Variants in GGT1 observed in about 807,000 individuals in gnomAD.
GGT1 encodes gamma-glutamyltransferase 1, also known as glutathione hydrolase 1 proenzyme.
Under a neutral mutation model 56.0 loss-of-function variants are expected in GGT1, and 21 were observed. The ratio of observed to expected loss-of-function variants is 0.38; its 90% CI spans 0.27 to 0.54. GGT1 has a LOEUF of 0.54. GGT1 is among the 20% of genes least tolerant of loss of function. GGT1 has a pLI of 0.82. For synonymous variants in GGT1, 238 were observed against 342.6 expected (o/e 0.69, Z 3.37); for missense variants, 466 against 787.0 (o/e 0.59, Z 4.88).
the GGT1 span, chr22:24,585,835 T>C: frequency 6.8e-7 from 1 of 1,477,282 alleles, no homozygotes; most frequent in Non-Finnish European, 9.0e-7. Flanking sequence ...CCCACTATCA[T>C]GTGCTTGAGA....
chr22:24,628,737 C>T lies in GGT1; in HGVS notation c.1608C>T (p.Ile536=), dbSNP rs201506529. 26 of 1,608,998 alleles carry T rather than the reference C, an allele frequency of 1.6e-5. No individual in the cohort carries two copies. The highest frequency in any genetic ancestry group is 4.0e-5 in the African/African-American group (3 of 74,778). Residue 536 remains isoleucine, a synonymous_variant, in exon 16 of 16, where the codon ATC becomes ATT. Transcript: ENST00000400382. The surrounding 1 kb of genome is among the most constrained non-coding windows in gnomAD (Gnocchi z 5.7). ...ALETRHHHTQ[I]ASTFIAVVQA... ...AGACCCGGCACCATCACACCCAGAT[C>T]GCGTCCACCTTCATCGCTGTGGTGC...
chr22:24,613,717 T>C (rs1306351604), intron 5 of GGT1, among the ~76,000 whole-genome samples: 2 of 145,036 alleles, frequency 1.4e-5, no homozygotes, highest in Admixed American at 1.4e-4. Context: ...GCCACTGCAC[T>C]CCAGCCTGGG....
intron 1 of GGT1, among the ~76,000 whole-genome samples, chr22:24,604,769 A>G (rs2045927216): frequency 6.6e-6 from 1 of 151,346 alleles, no homozygotes; most frequent in African/African-American, 2.4e-5. Flanking sequence ...TCAGCATGTG[A>G]GGAAAAGCCT....
At chr22:24,585,929 G>A in the GGT1 span, 3 of 1,607,360 alleles carry the variant, frequency 1.9e-6, no homozygotes, top group Non-Finnish European at 2.5e-6. Context: ...CAGCCCAGCA[G>A]CTGTGGAGTC....
chr22:24,615,564 C>T (rs537455339), intron 7 of GGT1, among the ~76,000 whole-genome samples: 2 of 152,296 alleles, frequency 1.3e-5, no homozygotes, highest in Non-Finnish European at 2.9e-5. Flanking sequence ...TGAGGTCACA[C>T]AGCTGGGAGG....
chr22:24,586,539 C>T, the GGT1 span: 49 of 1,066,440 alleles, frequency 4.6e-5, no homozygotes, highest in Admixed American at 7.1e-5. Context: ...CTGTGTCTTT[C>T]GTATTTTTTG....
intron 7 of GGT1, among the ~76,000 whole-genome samples, chr22:24,615,509 TA>T (rs2047003667): frequency 6.6e-6 from 1 of 152,188 alleles, no homozygotes; most frequent in Non-Finnish European, 1.5e-5. Flanking sequence ...ATTCCCATTT[TA>T]CAGGGTGGGG....
upstream of GGT1, among the ~76,000 whole-genome samples, chr22:24,601,458 G>T (rs1321056534): frequency 1.3e-5 from 2 of 152,206 alleles, 1 homozygote; most frequent in South Asian, 4.1e-4. Flanking sequence ...TCACTCTCTT[G>T]CCGAGTGGCT....
chr22:24,592,143 A>G (rs759204206), upstream of GGT1: 97 of 381,646 alleles, frequency 2.5e-4, no homozygotes, highest in Non-Finnish European at 4.7e-4. Context: ...TGGTGAGGGA[A>G]GTGGCATGCC....
rs1438544033 is a variant in GGT1, at chr22:24,627,551, C to G, written c.1140C>G (p.Gly380=). The part of the protein sequence containing the change: ...KPEFYTPDDG[G]TAHLSVVAED... ...AGTTCTACACGCCGGATGACGGGGG[C>G]ACTGCTCACCTGTCTGTCGTCGCAG... is the stretch of plus-strand genomic sequence containing the variant. Residue 380 remains glycine (G), a synonymous_variant, in exon 12 of 16, where the codon GGC becomes GGG. Coordinates refer to ENST00000400382, the MANE Select transcript of GGT1 (RefSeq NM_001288833.2). The G allele has an allele frequency of 1.2e-6, 2 of 1,611,724 alleles. No individual in the cohort carries two copies. Among genetic ancestry groups the G allele is most frequent in the Admixed American group, 3.3e-5 (2 of 59,966 alleles).
Position 24,624,401 on chromosome 22 carries a change from C to T in GGT1, c.1020+485C>T, listed in dbSNP as rs967133636. The T allele has an allele frequency of 3.0e-6, 3 of 985,108 alleles. No homozygotes were observed. In the South Asian group the frequency reaches 1.4e-4, roughly 46 times the overall value. 61.0% of individuals were successfully genotyped at this position (985,108 alleles called of 1,614,324 possible). A position where few individuals can be genotyped will look rare whatever the true frequency, so the allele number is the denominator to read the frequency against. Reference sequence around the variant, plus strand: ...GGGTCCCTATAAGACCCTGTCATATCCCTTCCCGCTGAGGATCCTCACATC... The same window carrying T: ...GGGTCCCTATAAGACCCTGTCATATTCCTTCCCGCTGAGGATCCTCACATC... On this transcript the variant is annotated intron_variant, in intron 11 of 15. Transcript: ENST00000400382.
At chr22:24,584,273 G>A in the GGT1 span, among the ~76,000 whole-genome samples, 8 of 152,178 alleles carry the variant, frequency 5.3e-5, no homozygotes, top group Non-Finnish European at 1.2e-4. Flanking sequence ...TAACAGAGGG[G>A]AGGGAGCAGA....
upstream of GGT1, among the ~76,000 whole-genome samples, chr22:24,602,206 G>A (rs1464615399): frequency 1.3e-5 from 2 of 152,140 alleles, no homozygotes; most frequent in Non-Finnish European, 2.9e-5. Context: ...GGCTCAGGTG[G>A]TTCCTTCCGC....
At chr22:24,592,722 G>T (rs1479361107), upstream of GGT1, 2 of 1,292,110 alleles carry the variant, frequency 1.5e-6, no homozygotes, top group African/African-American at 3.1e-5. Context: ...CTCGGAACCC[G>T]CCTGCGCGCG....
chr22:24,613,642 C>G (rs1228775966), intron 5 of GGT1, among the ~76,000 whole-genome samples: 1 of 151,602 alleles, frequency 6.6e-6, no homozygotes, highest in African/African-American at 2.4e-5. Context: ...CCCAGCTACT[C>G]AGGAGGCTGA....
At chr22:24,599,565 A>G (rs2045749523), upstream of GGT1, among the ~76,000 whole-genome samples, 1 of 151,670 alleles carries the variant, frequency 6.6e-6, no homozygotes, top group African/African-American at 2.4e-5. Context: ...TGGGGACTGG[A>G]GGTCAGGTGA....
upstream of GGT1, chr22:24,593,224 C>G: frequency 4.0e-6 from 2 of 500,760 alleles, no homozygotes; most frequent in Non-Finnish European, 5.2e-6. Context: ...GGCCTGATCA[C>G]ACTGGAGGAG....
intron 5 of GGT1, among the ~76,000 whole-genome samples, chr22:24,612,837 T>A (rs1192071821): frequency 6.6e-6 from 1 of 151,884 alleles, no homozygotes; most frequent in Non-Finnish European, 1.5e-5. Flanking sequence ...GGGCTTATTC[T>A]TTTTTTAAGG....
upstream of GGT1, chr22:24,592,211 G>A: frequency 2.3e-6 from 1 of 441,766 alleles, no homozygotes; most frequent in East Asian, 7.1e-5. Context: ...TCTGGGTTTA[G>A]TGTACCTGGT....
Sources: gnomAD v4.1 joint callset for allele counts (sites outside exome capture counted in the v4.1 genomes callset) on GRCh38, gnomAD v4.1.1 for gene constraint, Gnocchi (gnomAD v3.1) non-coding constraint, MANE v1.5 for transcripts, NCBI Gene and HGNC (gene_info 2026-07-23, HGNC 2026-07-21) for gene names.